ERO1A: variants seen among roughly 807,000 people sequenced by gnomAD.
ERO1A encodes the protein ERO1-like protein alpha.
Under a neutral mutation model 76.9 loss-of-function variants are expected in ERO1A, and 49 were observed. The ratio of observed to expected loss-of-function variants is 0.64; its 90% confidence interval spans 0.51 to 0.81. The LOEUF is 0.81. Ranked by LOEUF, ERO1A falls within the 30% of genes least tolerant of loss-of-function variation. The pLI is 0.00. For missense variants in ERO1A, 448 were observed against 542.1 expected, an observed-to-expected ratio of 0.83 and a Z score of 1.72; for synonymous variants, 174 against 181.2, an observed-to-expected ratio of 0.96 and a Z score of 0.32.
chr14:52,653,374 A>C, intron 11 of ERO1A, 59 bp from the exon 12 acceptor site: 1 of 1,378,298 alleles, frequency 7.3e-7, no homozygotes, highest in Non-Finnish European at 9.9e-7. Flanking sequence ...TACTTTAATT[A>C]TATTAGGTTA....
intron 8 of ERO1A, among the ~76,000 whole-genome samples, chr14:52,662,124 A>G (rs1482653382): frequency 6.6e-6 from 1 of 152,094 alleles, no homozygotes; most frequent in African/African-American, 2.4e-5. Context: ...TACAATGGCT[A>G]TTTTCTATGT....
At chr14:52,671,497 T>G in intron 6 of ERO1A, 133 bp downstream of exon 6, 1 of 579,360 alleles carries the variant, frequency 1.7e-6, no homozygotes, top group Non-Finnish European at 3.0e-6. Flanking sequence ...TGGGCTCCAG[T>G]GATTCTCCTG....
At chr14:52,651,365 A>G (rs1417395734) in intron 13 of ERO1A, among the ~76,000 whole-genome samples, 2 of 148,440 alleles carry the variant, frequency 1.3e-5, no homozygotes, top group Non-Finnish European at 3.0e-5. Flanking sequence ...TAATTAAACA[A>G]TATCATCTTC....
At chr14:52,666,638 C>T (rs975134448) in intron 6 of ERO1A, 143 bp from the exon 7 acceptor site, 1 of 795,054 alleles carries the variant, frequency 1.3e-6, no homozygotes, top group African/African-American at 1.8e-5. Context: ...TCAGGAGAAA[C>T]AAAGGAAGGA....
intron 2 of ERO1A, 98 bp from the exon 3 acceptor site, chr14:52,682,506 A>C (rs1447661672): frequency 8.4e-6 from 7 of 830,160 alleles, no homozygotes; most frequent in Non-Finnish European, 1.4e-5. Context: ...TCATGTTATC[A>C]GGTGCAAATA....
At chr14:52,671,502 C>T (rs2040595832) in intron 6 of ERO1A, 128 bp downstream of exon 6, 3 of 591,104 alleles carry the variant, frequency 5.1e-6, no homozygotes, top group African/African-American at 3.8e-5. Flanking sequence ...TCCAGTGATT[C>T]TCCTGCCTCA....
intron 15 of ERO1A, among the ~76,000 whole-genome samples, chr14:52,644,730 G>A (rs74051001): frequency 5.7e-4 from 87 of 152,162 alleles, no homozygotes; most frequent in African/African-American, 1.9e-3. Context: ...TAAAGAGTAA[G>A]AGTATTAAAC....
chr14:52,669,543 G>A (rs377637194), intron 6 of ERO1A, among the ~76,000 whole-genome samples: 2 of 151,998 alleles, frequency 1.3e-5, no homozygotes, highest in South Asian at 2.1e-4. Flanking sequence ...TGCGTGTCTC[G>A]GCTGGAATGA....
chr14:52,659,132 G>A (rs1469216113), intron 9 of ERO1A, among the ~76,000 whole-genome samples: 1 of 151,780 alleles, frequency 6.6e-6, no homozygotes, highest in Non-Finnish European at 1.5e-5. Context: ...TATGTCAAAG[G>A]GATTAGATCC....
At chr14:52,678,504 C>T (rs1173634847) in intron 3 of ERO1A, 32 bp from the exon 4 acceptor site, 6 of 1,553,112 alleles carry the variant, frequency 3.9e-6, no homozygotes, top group South Asian at 3.4e-5. Flanking sequence ...TTTTAGTTGG[C>T]ATTTATTCTA....
chr14:52,695,417 TG>T lies in ERO1A; in HGVS notation c.64del (p.His22ThrfsTer58). On this transcript the variant is annotated frameshift_variant, in exon 1 of 16. Transcript: ENST00000395686. LOFTEE classifies it high-confidence loss of function. ...LGAVWLLSSGHGEEQPPETAA... is the reference protein window; with the variant it reads ...LGAVWLLSSGXGEEQPPETAA... ...TGTCTCCGGGGGCTGCTCCTCTCCG[TG>T]GCCCGAGCTGAGCAGCCACACGGCG... 6.4e-7 allele frequency: 1 copy of T among 1,550,404 alleles called. No individual in the cohort carries two copies. The highest frequency in any genetic ancestry group is 2.5e-5 in the East Asian group (1 of 40,214).
chr14:52,657,065 G>A (rs1278859733), intron 11 of ERO1A, among the ~76,000 whole-genome samples: 1 of 152,124 alleles, frequency 6.6e-6, no homozygotes, highest in Non-Finnish European at 1.5e-5. Flanking sequence ...CACCCACCAG[G>A]GTGCCATGTC....
chr14:52,674,588 C>T (rs1287014408), intron 4 of ERO1A, among the ~76,000 whole-genome samples: 1 of 152,216 alleles, frequency 6.6e-6, no homozygotes, highest in Non-Finnish European at 1.5e-5. Flanking sequence ...TCTTCTGCCA[C>T]TGGAACCAAG....
Position 52,695,318 on chromosome 14 carries a change from A to C in ERO1A, c.114+50T>G, listed in dbSNP as rs1324170525. On this transcript the variant is annotated intron_variant, in intron 1 of 15. Transcript: ENST00000395686. ...CCCGCCAGGGCGTGCGGGACAGTGC[A>C]CGCCGCGGAGGGCGCCGGGACCCTC... 3.9e-6 allele frequency: 5 copies of C among 1,282,196 alleles called. No homozygotes were observed. In the African/African-American group the frequency reaches 6.2e-5, roughly 16 times the overall value. 79.4% of individuals were successfully genotyped at this position (1,282,196 alleles called of 1,614,324 possible). A position where few individuals can be genotyped will look rare whatever the true frequency, so the allele number is the denominator to read the frequency against.
chr14:52,673,189 A>C (rs1040144535), intron 4 of ERO1A, among the ~76,000 whole-genome samples: 94 of 152,166 alleles, frequency 6.2e-4, no homozygotes, highest in African/African-American at 2.2e-3. Flanking sequence ...TCCCAGGCTC[A>C]AGCAATCTTC....
chr14:52,681,788 C>T (rs556680143), intron 3 of ERO1A, among the ~76,000 whole-genome samples: 1 of 151,828 alleles, frequency 6.6e-6, no homozygotes, highest in Non-Finnish European at 1.5e-5. Context: ...AAATCCAAGG[C>T]AAAAACACAC....
intron 11 of ERO1A, 135 bp from the exon 12 acceptor site, chr14:52,653,450 T>G (rs2039944254): frequency 5.2e-6 from 3 of 578,546 alleles, no homozygotes; most frequent in Non-Finnish European, 8.1e-6. Context: ...AAGAAAATGG[T>G]TTTTCACAAT....
intron 8 of ERO1A, among the ~76,000 whole-genome samples, chr14:52,663,015 G>A (rs2139681485): frequency 6.6e-6 from 1 of 152,278 alleles, no homozygotes; most frequent in Non-Finnish European, 1.5e-5. Context: ...AATACTTCTG[G>A]TTACAAGGAC....
chr14:52,655,329 C>T (rs2040008250), intron 11 of ERO1A, among the ~76,000 whole-genome samples: 1 of 151,828 alleles, frequency 6.6e-6, no homozygotes, highest in Non-Finnish European at 1.5e-5. Context: ...TGCACCACTG[C>T]ACTCCAGCCT....
Sources: allele counts gnomAD v4.1 joint callset (sites outside exome capture counted in the v4.1 genomes callset), GRCh38; gene constraint gnomAD v4.1.1; transcripts MANE v1.5; gene names NCBI Gene and HGNC (gene_info 2026-07-23, HGNC 2026-07-21).